Variants in LCLAT1 observed in about 807,000 individuals in gnomAD.
LCLAT1 encodes the protein lysocardiolipin acyltransferase 1.
A neutral mutation model predicts 30.7 loss-of-function variants in LCLAT1; 11 were observed. That is an observed-to-expected ratio of 0.36 (90% confidence interval 0.23 to 0.59). LCLAT1 has a LOEUF of 0.59. Ranked by LOEUF, LCLAT1 falls within the 20% of genes least tolerant of loss-of-function variation. LCLAT1 has a pLI of 0.77. For missense variants in LCLAT1, 402 were observed against 458.6 expected, an observed-to-expected ratio of 0.88 and a Z score of 1.13; for synonymous variants, 155 against 151.3, an observed-to-expected ratio of 1.02 and a Z score of -0.18.
Position 30,571,584 on chromosome 2 carries a change from C to T in LCLAT1, c.628+3408C>T, listed in dbSNP as rs548077919. On this transcript the variant is annotated intron_variant, in intron 5 of 5. Transcript: ENST00000379509. ...GTGACCAACAGAAACCCATCTCTGG[C>T]TCACATTGCATTTATAATAGTAAGC... 5.8e-4 allele frequency among the ~76,000 whole-genome samples: 89 copies of T among 152,312 alleles called. 2 individuals carry two copies. The highest frequency in any genetic ancestry group is 1.9e-3 in the South Asian group (9 of 4,824).
intron 2 of LCLAT1, among the ~76,000 whole-genome samples, chr2:30,525,970 C>T (rs796480324): frequency 2.6e-5 from 4 of 152,204 alleles, no homozygotes; most frequent in African/African-American, 9.6e-5. Context: ...AATTGTATTG[C>T]TTAGGGAATG....
chr2:30,523,390 G>T (rs1033398156), intron 1 of LCLAT1, among the ~76,000 whole-genome samples: 22 of 152,000 alleles, frequency 1.4e-4, no homozygotes, highest in Non-Finnish European at 3.1e-4. Context: ...GGCCCCATGT[G>T]TGAGCTCTGG....
At chr2:30,505,224 C>T (rs1268613712) in intron 1 of LCLAT1, among the ~76,000 whole-genome samples, 2 of 151,954 alleles carry the variant, frequency 1.3e-5, no homozygotes, top group Admixed American at 6.6e-5. Flanking sequence ...AATAGCAATA[C>T]CTACTTATCA....
chr2:30,525,026 A>G (rs558936357), intron 1 of LCLAT1, among the ~76,000 whole-genome samples: 123 of 113,064 alleles, frequency 1.1e-3, no homozygotes, highest in African/African-American at 3.4e-3. Flanking sequence ...AAAAGAAAAT[A>G]TATGGTTTTA....
chr2:30,532,722 A>T (rs1686041769), intron 2 of LCLAT1, among the ~76,000 whole-genome samples: 1 of 147,358 alleles, frequency 6.8e-6, no homozygotes, highest in South Asian at 2.1e-4. Context: ...CCTTTCCGGG[A>T]TTTTTTTTTT....
At chr2:30,601,528 A>G (rs1199227011) in intron 5 of LCLAT1, among the ~76,000 whole-genome samples, 1 of 152,174 alleles carries the variant, frequency 6.6e-6, no homozygotes, top group Non-Finnish European at 1.5e-5. Flanking sequence ...TTAAGGACCA[A>G]TAAGACCAAG....
intron 5 of LCLAT1, among the ~76,000 whole-genome samples, chr2:30,637,829 C>T (rs1411192692): frequency 2.6e-5 from 4 of 152,166 alleles, no homozygotes; most frequent in Non-Finnish European, 4.4e-5. Flanking sequence ...CCACCCGCCT[C>T]GGCCTCCTAA....
chr2:30,630,309 G>A (rs1668709647), intron 5 of LCLAT1, among the ~76,000 whole-genome samples: 1 of 152,028 alleles, frequency 6.6e-6, no homozygotes, highest in African/African-American at 2.4e-5. Flanking sequence ...TGGGGGTTAG[G>A]GCATCAACAT....
intron 1 of LCLAT1, among the ~76,000 whole-genome samples, chr2:30,501,076 C>CTGTGTGTGTGTA (rs1460579223): frequency 1.6e-4 from 23 of 146,618 alleles, no homozygotes; most frequent in Admixed American, 4.1e-4. Flanking sequence ...TTGTTTTGTT[C>CTGTGTGTGTGTA]TGTGTGTGTG....
rs571707471 is a variant in LCLAT1, at chr2:30,548,210, G to A, written c.365-13936G>A. The stretch of plus-strand genomic sequence containing the variant: ...GTAGTGGGGATATACGTTTGTTGAC[G>A]AAAAGAATCGAACTCTGTAAAATAT... On this transcript the variant is annotated intron_variant, in intron 3 of 5. Transcript: ENST00000379509. Among the ~76,000 whole-genome samples the A allele has an allele frequency of 3.9e-5, 6 of 152,174 alleles. No homozygotes were observed. In the South Asian group the frequency reaches 1.2e-3, roughly 32 times the overall value.
intron 5 of LCLAT1, among the ~76,000 whole-genome samples, chr2:30,577,604 T>G (rs1666051595): frequency 6.6e-6 from 1 of 152,192 alleles, no homozygotes; most frequent in African/African-American, 2.4e-5. Context: ...ATGAAACTGC[T>G]GATTTACATT....
intron 1 of LCLAT1, among the ~76,000 whole-genome samples, chr2:30,501,990 T>A (rs1684420342): frequency 6.6e-6 from 1 of 152,354 alleles, no homozygotes; most frequent in South Asian, 2.1e-4. Flanking sequence ...AAATCCTGGC[T>A]TCTGATTTTT....
intron 4 of LCLAT1, among the ~76,000 whole-genome samples, chr2:30,565,308 T>G (rs1017961433): frequency 1.2e-4 from 18 of 152,134 alleles, no homozygotes; most frequent in African/African-American, 4.3e-4. Context: ...TCTTTCTTCC[T>G]TGTTGGGGAG....
At chr2:30,634,440 A>T (rs942096215) in intron 5 of LCLAT1, among the ~76,000 whole-genome samples, 2 of 152,224 alleles carry the variant, frequency 1.3e-5, no homozygotes, top group Non-Finnish European at 2.9e-5. Context: ...AGCCTGGCCA[A>T]CATGGTGAAA....
intron 5 of LCLAT1, among the ~76,000 whole-genome samples, chr2:30,591,689 G>T (rs1329081587): frequency 6.6e-6 from 1 of 152,106 alleles, no homozygotes; most frequent in Non-Finnish European, 1.5e-5. Context: ...ACATAGACAT[G>T]TCTTCCCTAA....
chr2:30,623,187 GGGAC>G (rs1668350788), intron 5 of LCLAT1, among the ~76,000 whole-genome samples: 1 of 151,628 alleles, frequency 6.6e-6, no homozygotes, highest in Non-Finnish European at 1.5e-5. Context: ...CCGAGTAGCT[GGGAC>G]TACAGGCGCC....
At chr2:30,465,210 G>A (rs1682359617) in intron 1 of LCLAT1, among the ~76,000 whole-genome samples, 1 of 152,190 alleles carries the variant, frequency 6.6e-6, no homozygotes, top group Non-Finnish European at 1.5e-5. Flanking sequence ...TCCTGTGTAT[G>A]TTTATCAAAG....
At position 30,553,692 on chromosome 2, in the gene LCLAT1, G is replaced by A. The variant is rs539390536; in HGVS notation, c.365-8454G>A. On this transcript the variant is annotated intron_variant, in intron 3 of 5. Transcript: ENST00000379509. ...TAGCCGGGCGCGGTGGTGGGCGCCT[G>A]TAGTCCCAGCTACTCGGGAGGCTGA... Among the ~76,000 whole-genome samples the A allele has an allele frequency of 1.7e-3, 261 of 152,018 alleles. 1 individual carries two copies. Among genetic ancestry groups the A allele is most frequent in the African/African-American group, 5.8e-3 (240 of 41,472 alleles).
At chr2:30,493,174 A>G (rs1056375955) in intron 1 of LCLAT1, among the ~76,000 whole-genome samples, 3 of 152,164 alleles carry the variant, frequency 2.0e-5, no homozygotes, top group African/African-American at 7.2e-5. Context: ...CCCTCCTAAG[A>G]TTGAAATGGT....
Sources: allele counts gnomAD v4.1 joint callset (sites outside exome capture counted in the v4.1 genomes callset), GRCh38; gene constraint gnomAD v4.1.1; transcripts MANE v1.5; gene names NCBI Gene and HGNC (gene_info 2026-07-23, HGNC 2026-07-21).